The following UNC5C variants were observed in gnomAD, a reference collection of about 807,000 sequenced individuals.
The protein encoded by UNC5C is unc-5 netrin receptor C.
In UNC5C, 47 loss-of-function variants were observed where a neutral mutation model predicts 99.8. The observed-to-expected ratio is 0.47, with a 90% CI of 0.37 to 0.60. The LOEUF (loss-of-function observed/expected upper bound fraction) is 0.60, where lower values mean the gene tolerates loss of function less well. Among genes scored for constraint, UNC5C ranks in the 20% least tolerant of loss-of-function variants. UNC5C has a pLI of 0.00. For missense variants in UNC5C, 1,062 were observed against 1,165.9 expected (o/e 0.91, Z 1.30); for synonymous variants, 487 against 452.2 (o/e 1.08, Z -0.98).
intron 1 of UNC5C, among the ~76,000 whole-genome samples, chr4:95,497,602 C>T (rs904038649): frequency 1.6e-4 from 24 of 151,912 alleles, no homozygotes; most frequent in African/African-American, 4.3e-4. Flanking sequence ...AAACAAATAA[C>T]AAGACTTAAT....
intron 1 of UNC5C, among the ~76,000 whole-genome samples, chr4:95,435,318 G>A (rs1746744335): frequency 1.1e-5 from 1 of 86,970 alleles, no homozygotes; most frequent in East Asian, 3.2e-4. Flanking sequence ...ATTTAATTAT[G>A]TTTATGTTAG....
At chr4:95,526,820 T>A (rs1165980283) in intron 1 of UNC5C, among the ~76,000 whole-genome samples, 2 of 152,014 alleles carry the variant, frequency 1.3e-5, no homozygotes, top group African/African-American at 2.4e-5. Context: ...TGAAAAAAAA[T>A]GATTTTAACA....
At chr4:95,381,319 T>C (rs1745063768) in intron 1 of UNC5C, among the ~76,000 whole-genome samples, 1 of 152,192 alleles carries the variant, frequency 6.6e-6, no homozygotes, top group Non-Finnish European at 1.5e-5. Context: ...ACATTATTTA[T>C]GAATGTACGG....
chr4:95,336,724 AC>A (rs764884656), intron 1 of UNC5C, among the ~76,000 whole-genome samples: 20 of 151,912 alleles, frequency 1.3e-4, no homozygotes, highest in Non-Finnish European at 2.5e-4. Flanking sequence ...GTAAAAATTG[AC>A]TTCACTTGCA....
chr4:95,281,655 T>A (rs969139344), intron 3 of UNC5C, among the ~76,000 whole-genome samples: 4 of 152,216 alleles, frequency 2.6e-5, no homozygotes, highest in Non-Finnish European at 5.9e-5. Flanking sequence ...AGGATAATGT[T>A]ATATTCTCAG....
chr4:95,488,828 A>C (rs2149480618), intron 1 of UNC5C, among the ~76,000 whole-genome samples: 1 of 151,872 alleles, frequency 6.6e-6, no homozygotes, highest in Admixed American at 6.6e-5. Flanking sequence ...ACTTTAGATA[A>C]AAATAATGTT....
chr4:95,348,068 C>T lies in UNC5C; in HGVS notation c.125-12437G>A, dbSNP rs1743843983. On this transcript the variant is annotated intron_variant, in intron 1 of 15. Coordinates refer to ENST00000453304, the MANE Select transcript of UNC5C (RefSeq NM_003728.4). ...GAGCTCAAACTGTACAGGAAAAAATCTAATAATCTAATTAAATAATCAGCA... is the reference window on the plus strand; with the variant it reads ...GAGCTCAAACTGTACAGGAAAAAATTTAATAATCTAATTAAATAATCAGCA... Among the ~76,000 whole-genome samples the T allele has an allele frequency of 2.0e-5, 3 of 151,920 alleles. No homozygotes were observed. The South Asian group carries it at 6.2e-4, about 32-fold the overall frequency.
At chr4:95,430,004 G>C (rs1196646445) in intron 1 of UNC5C, among the ~76,000 whole-genome samples, 1 of 152,066 alleles carries the variant, frequency 6.6e-6, no homozygotes, top group African/African-American at 2.4e-5. Flanking sequence ...GGGGGTTAGT[G>C]GGGAGGGAGA....
intron 1 of UNC5C, among the ~76,000 whole-genome samples, chr4:95,508,906 A>T (rs972549230): frequency 1.3e-5 from 2 of 151,934 alleles, no homozygotes; most frequent in African/African-American, 2.4e-5. Context: ...AGAAATCTAG[A>T]CATGAATATT....
chr4:95,261,954 C>T (rs1004672643), intron 4 of UNC5C, among the ~76,000 whole-genome samples: 2 of 152,138 alleles, frequency 1.3e-5, no homozygotes, highest in Admixed American at 1.3e-4. Flanking sequence ...CTGCCGGCCT[C>T]AGCCTCCCAA....
At position 95,169,073 on chromosome 4, in the gene UNC5C, G is replaced by C; in HGVS notation, c.*161C>G. The C allele has an allele frequency of 1.2e-6, 1 of 808,602 alleles. No individual in the cohort carries two copies. The highest frequency in any genetic ancestry group is 2.6e-5 in the East Asian group (1 of 39,130). 50.1% of individuals were successfully genotyped at this position (808,602 alleles called of 1,614,324 possible). A position where few individuals can be genotyped will look rare whatever the true frequency, so the allele number is the denominator to read the frequency against. On this transcript the variant is annotated 3_prime_UTR_variant, in exon 16 of 16. Transcript: ENST00000453304. ...GATGATGTCCGAGTAAAGTGGGCAT[G>C]TACATGGGCAGTTGTATCTGTTTTC... is the stretch of plus-strand genomic sequence containing the variant.
chr4:95,242,392 C>G lies in UNC5C; in HGVS notation c.1108+37G>C, dbSNP rs1281526935. 4 of 1,611,762 alleles carry G rather than the reference C, an allele frequency of 2.5e-6. No homozygotes were observed. In the South Asian group the frequency reaches 4.4e-5, roughly 18 times the overall value. ...AAACTCCAAATGGTTCAATCTCCAGCCCCCTCAATGTCTGCAGTTTGCTTA... is the reference window on the plus strand; with the variant it reads ...AAACTCCAAATGGTTCAATCTCCAGGCCCCTCAATGTCTGCAGTTTGCTTA... On this transcript the variant is annotated intron_variant, in intron 7 of 15. Transcript: ENST00000453304.
chr4:95,457,921 T>C (rs1032048565), intron 1 of UNC5C, among the ~76,000 whole-genome samples: 5 of 152,164 alleles, frequency 3.3e-5, no homozygotes, highest in East Asian at 1.9e-4. Flanking sequence ...CCTGAGGAGA[T>C]TGGACAGAGA....
At chr4:95,470,883 C>CA (rs1353050715) in intron 1 of UNC5C, among the ~76,000 whole-genome samples, 1 of 151,320 alleles carries the variant, frequency 6.6e-6, no homozygotes, top group African/African-American at 2.4e-5. Context: ...TTGATAAAAA[C>CA]AAAAAAGAAG....
chr4:95,425,717 CAAAG>C (rs1180023615), intron 1 of UNC5C, among the ~76,000 whole-genome samples: 1 of 152,082 alleles, frequency 6.6e-6, no homozygotes, highest in Non-Finnish European at 1.5e-5. Flanking sequence ...TTTGAATACC[CAAAG>C]AAATTGATTA....
chr4:95,347,997 T>G (rs138695065), intron 1 of UNC5C, among the ~76,000 whole-genome samples: 1 of 152,142 alleles, frequency 6.6e-6, no homozygotes, highest in East Asian at 1.9e-4. Context: ...AGAAAACATT[T>G]GCACACTACC....
chr4:95,315,573 A>G (rs1742444070), intron 2 of UNC5C, among the ~76,000 whole-genome samples: 1 of 152,090 alleles, frequency 6.6e-6, no homozygotes, highest in Middle Eastern at 3.2e-3. Context: ...TTCTTCCTTT[A>G]TTTTACAAAT....
intron 1 of UNC5C, among the ~76,000 whole-genome samples, chr4:95,368,054 T>TAA (rs1335166300): frequency 6.6e-6 from 1 of 152,110 alleles, no homozygotes; most frequent in African/African-American, 2.4e-5. Context: ...TCTAAATCAG[T>TAA]CTCTGGTGTG....
intron 7 of UNC5C, among the ~76,000 whole-genome samples, chr4:95,222,627 TC>T (rs1738513010): frequency 6.6e-6 from 1 of 152,176 alleles, no homozygotes. Flanking sequence ...ATGCTTTAAT[TC>T]CCAGGACATA....
Sources: gnomAD v4.1 joint callset for allele counts (sites outside exome capture counted in the v4.1 genomes callset) on GRCh38, gnomAD v4.1.1 for gene constraint, MANE v1.5 for transcripts, NCBI Gene and HGNC (gene_info 2026-07-23, HGNC 2026-07-21) for gene names.